TANC1: variants seen among roughly 807,000 people sequenced by gnomAD.
The protein encoded by TANC1 is tetratricopeptide repeat, ankyrin repeat and coiled-coil containing 1.
TANC1 carries 77 observed loss-of-function variants against 149.7 expected under a neutral mutation model. The ratio of observed to expected loss-of-function variants is 0.51; its 90% CI spans 0.43 to 0.62. TANC1 has a LOEUF of 0.62. Ranked by LOEUF, TANC1 falls within the 20% of genes least tolerant of loss-of-function variation. The probability of loss-of-function intolerance (pLI) is 0.00; values close to 1 mark genes in which losing one functional copy is unlikely to be tolerated. For missense variants in TANC1, 1,985 were observed against 2,321.8 expected (o/e 0.85, Z 2.98); for synonymous variants, 854 against 925.0 (o/e 0.92, Z 1.39).
At chr2:159,034,768 A>T (rs568409235) in intron 2 of TANC1, among the ~76,000 whole-genome samples, 1 of 152,354 alleles carries the variant, frequency 6.6e-6, no homozygotes, top group South Asian at 2.1e-4. Flanking sequence ...GCAGCATTCA[A>T]CATGAAAGAA....
chr2:159,094,774 TG>T (rs368971756), intron 3 of TANC1, among the ~76,000 whole-genome samples: 179 of 53,450 alleles, frequency 3.3e-3, no homozygotes, highest in East Asian at 7.5e-3. Flanking sequence ...TGTGTGTGTG[TG>T]GGGGGGGGGT....
intron 2 of TANC1, among the ~76,000 whole-genome samples, chr2:159,009,335 G>A (rs1042658942): frequency 6.6e-6 from 1 of 152,100 alleles, no homozygotes; most frequent in Non-Finnish European, 1.5e-5. Flanking sequence ...AGCCCTGTTC[G>A]CAGTAGTCAA....
At chr2:159,159,952 T>A (rs2053877030) in intron 7 of TANC1, among the ~76,000 whole-genome samples, 1 of 152,018 alleles carries the variant, frequency 6.6e-6, no homozygotes, top group Admixed American at 6.6e-5. Flanking sequence ...GGCCAGGAGT[T>A]TGAGACCAGC....
At position 159,225,785 on chromosome 2, in the gene TANC1, T is replaced by C; in HGVS notation, c.3903+6T>C. ...AAGGAAATGTGATGTACAAAGTAAG[T>C]GGTTCCGCCCTTTTCTTTGCCATTG... is the stretch of plus-strand genomic sequence containing the variant. On this transcript the variant is annotated splice_donor_region_variant and intron_variant, in intron 24 of 26. Transcript: ENST00000263635. The C allele has an allele frequency of 6.2e-7, 1 of 1,607,358 alleles. No individual in the cohort carries two copies. The highest frequency in any genetic ancestry group is 8.5e-7 in the Non-Finnish European group (1 of 1,174,058).
At chr2:159,182,281 C>G (rs1170960396) in intron 14 of TANC1, among the ~76,000 whole-genome samples, 1 of 151,340 alleles carries the variant, frequency 6.6e-6, no homozygotes, top group Non-Finnish European at 1.5e-5. Context: ...TTTGCTACAT[C>G]TGTTTCCTTT....
chr2:159,098,557 G>A lies in TANC1; in HGVS notation c.259+723G>A, dbSNP rs148813554. 1.3e-3 allele frequency among the ~76,000 whole-genome samples: 200 copies of A among 152,112 alleles called. 1 individual carries two copies. Among genetic ancestry groups the A allele is most frequent in the African/African-American group, 4.3e-3 (178 of 41,476 alleles). On this transcript the variant is annotated intron_variant, in intron 4 of 26. Transcript: ENST00000263635. ...ACAATAGTCTATTTATTACTACCTA[G>A]TATATACTGATGTATTTCATTTGAT...
At chr2:159,017,780 C>T (rs555949159) in intron 2 of TANC1, among the ~76,000 whole-genome samples, 18 of 151,814 alleles carry the variant, frequency 1.2e-4, no homozygotes, top group Non-Finnish European at 2.2e-4. Flanking sequence ...ACCTAGATGA[C>T]GGGTTAATAG....
At chr2:159,049,878 G>A (rs538641540) in intron 2 of TANC1, among the ~76,000 whole-genome samples, 11 of 152,220 alleles carry the variant, frequency 7.2e-5, no homozygotes, top group South Asian at 6.2e-4. Flanking sequence ...GGCTGATGAC[G>A]GCAAGTTGGA....
chr2:159,096,743 G>A (rs777856929), intron 3 of TANC1, among the ~76,000 whole-genome samples: 9 of 152,218 alleles, frequency 5.9e-5, no homozygotes, highest in African/African-American at 1.2e-4. Context: ...GGTGACTTAG[G>A]TCAGAGCAGG....
chr2:159,209,449 T>C (rs1049505751), intron 19 of TANC1, among the ~76,000 whole-genome samples: 1 of 152,154 alleles, frequency 6.6e-6, no homozygotes. Flanking sequence ...TAAATCTTAG[T>C]CCTATTTCTA....
At chr2:159,184,046 C>T (rs2056749921) in intron 14 of TANC1, among the ~76,000 whole-genome samples, 1 of 152,318 alleles carries the variant, frequency 6.6e-6, no homozygotes, top group Non-Finnish European at 1.5e-5. Flanking sequence ...ACAGGCTCTC[C>T]TGTCTGACCA....
At chr2:159,084,470 A>T (rs1297379769) in intron 3 of TANC1, among the ~76,000 whole-genome samples, 1 of 152,160 alleles carries the variant, frequency 6.6e-6, no homozygotes, top group East Asian at 1.9e-4. Flanking sequence ...TTTTCCCCCA[A>T]AATGATCCCG....
intron 5 of TANC1, among the ~76,000 whole-genome samples, chr2:159,138,205 A>G (rs1476220830): frequency 1.3e-5 from 2 of 152,146 alleles, no homozygotes; most frequent in Admixed American, 1.3e-4. Flanking sequence ...GGCTACAAAT[A>G]CAGGACCAGA....
rs1391100755 is a variant in TANC1, at chr2:159,179,195, AG to A, written c.2510+35del. 1.0e-5 allele frequency: 16 copies of A among 1,581,020 alleles called. No homozygotes were observed. The Admixed American group carries it at 1.2e-4, about 12-fold the overall frequency. ...CAGGCGCTTTCTTTCAGCTCTTTGC[AG>A]GGAATCTCGTGTGCAGTTGGGGAAA... On this transcript the variant is annotated intron_variant, in intron 14 of 26. Coordinates refer to ENST00000263635, the MANE Select transcript of TANC1 (RefSeq NM_033394.3).
intron 3 of TANC1, among the ~76,000 whole-genome samples, chr2:159,082,172 C>T (rs1321101931): frequency 6.6e-6 from 1 of 152,112 alleles, no homozygotes; most frequent in Non-Finnish European, 1.5e-5. Flanking sequence ...GTTTTCTGGT[C>T]GTGTGATCCC....
At position 159,196,595 on chromosome 2, in the gene TANC1, C is replaced by T; in HGVS notation, c.2980-13C>T. The T allele has an allele frequency of 6.3e-7, 1 of 1,591,366 alleles. No individual in the cohort carries two copies. The highest frequency in any genetic ancestry group is 8.6e-7 in the Non-Finnish European group (1 of 1,165,222). ...AATGCTCAGCTGTAACCTTCCCCTA[C>T]TCCTGCCCCCAGGTGGACCACTTGG... On this transcript the variant is annotated splice_polypyrimidine_tract_variant and intron_variant, in intron 17 of 26. Coordinates refer to ENST00000263635, the MANE Select transcript of TANC1 (RefSeq NM_033394.3).
intron 4 of TANC1, among the ~76,000 whole-genome samples, chr2:159,110,488 A>C (rs779001248): frequency 1.3e-5 from 2 of 152,142 alleles, no homozygotes; most frequent in African/African-American, 4.8e-5. Context: ...GTTTCTTTAA[A>C]TTTTTTGAAA....
intron 7 of TANC1, among the ~76,000 whole-genome samples, chr2:159,156,239 G>A (rs373368875): frequency 2.0e-5 from 3 of 152,062 alleles, no homozygotes; most frequent in East Asian, 1.9e-4. Flanking sequence ...ATTTTGCTAC[G>A]TTGCCTGCAA....
intron 3 of TANC1, among the ~76,000 whole-genome samples, chr2:159,076,197 T>G (rs1228989522): frequency 6.6e-6 from 1 of 152,218 alleles, no homozygotes; most frequent in Non-Finnish European, 1.5e-5. Context: ...CTAATCTGGC[T>G]GTTGTGTATA....
Sources: gnomAD v4.1 joint callset for allele counts (sites outside exome capture counted in the v4.1 genomes callset) on GRCh38, gnomAD v4.1.1 for gene constraint, MANE v1.5 for transcripts, NCBI Gene and HGNC (gene_info 2026-07-23, HGNC 2026-07-21) for gene names.